KITLG: variants seen among roughly 807,000 people sequenced by gnomAD.
KITLG encodes the protein c-Kit ligand.
Under a neutral mutation model 34.1 loss-of-function variants are expected in KITLG, and 13 were observed. The ratio of observed to expected loss-of-function variants is 0.38; its 90% CI spans 0.25 to 0.61. KITLG has a LOEUF of 0.61. Ranked by LOEUF, KITLG falls within the 20% of genes least tolerant of loss-of-function variation. KITLG has a pLI of 0.60. For missense variants in KITLG, 292 were observed against 318.9 expected, an observed-to-expected ratio of 0.92 and a Z score of 0.64; for synonymous variants, 110 against 104.0, an observed-to-expected ratio of 1.06 and a Z score of -0.35.
intron 2 of KITLG, among the ~76,000 whole-genome samples, chr12:88,545,100 A>T (rs3782174): frequency 0.094 from 14,319 of 152,094 alleles, 699 homozygotes; most frequent in Non-Finnish European, 0.11. Flanking sequence ...TGTTATGCCC[A>T]CTCTGTGGCT....
At chr12:88,546,614 T>G (rs1224423904) in intron 1 of KITLG, among the ~76,000 whole-genome samples, 3 of 152,196 alleles carry the variant, frequency 2.0e-5, no homozygotes, top group Non-Finnish European at 4.4e-5. Flanking sequence ...TTTCAAGAAC[T>G]TGTGCAACTG....
In KITLG at chr12:88,540,936, C is replaced by T. The variant is rs116820574; in HGVS notation, c.129+4816G>A. ...AACTATCTTTCAAACTATTATTTTTCGAAGGTCAAACAAAATTATGTGAAA... is the reference window on the plus strand; with the variant it reads ...AACTATCTTTCAAACTATTATTTTTTGAAGGTCAAACAAAATTATGTGAAA... On this transcript the variant is annotated intron_variant, in intron 2 of 9. Transcript: ENST00000644744. Among the ~76,000 whole-genome samples the T allele has an allele frequency of 4.8e-3, 730 of 152,004 alleles. 5 individuals carry two copies. Among genetic ancestry groups the T allele is most frequent in the African/African-American group, 0.015 (634 of 41,466 alleles).
rs538448209 is a variant in KITLG at position 88,494,242 on chromosome 12, C to A, written c.*2977G>T. On this transcript the variant is annotated 3_prime_UTR_variant, in exon 10 of 10. Transcript: ENST00000644744. ...TTGAAGAATATATTTTTTAAATATA[C>A]ATAATGCCTAAAAGCTCCAAACTGA... The A allele has an allele frequency of 6.6e-4, 101 of 152,012 alleles. 1 individual carries two copies. Among genetic ancestry groups the A allele is most frequent in the African/African-American group, 2.4e-3 (100 of 41,512 alleles). The allele number at this position is 152,012 out of a possible 1,614,324, so 9.4% of individuals were successfully genotyped here.
chr12:88,542,789 C>G (rs951363010), intron 2 of KITLG, among the ~76,000 whole-genome samples: 2 of 152,058 alleles, frequency 1.3e-5, no homozygotes, highest in Non-Finnish European at 2.9e-5. Context: ...TAGTGATGCC[C>G]TTAGAGCTGT....
chr12:88,533,273 C>G (rs1348916763), intron 2 of KITLG, among the ~76,000 whole-genome samples: 1 of 152,124 alleles, frequency 6.6e-6, no homozygotes, highest in Non-Finnish European at 1.5e-5. Context: ...AGGTTTAGGA[C>G]AAAGGAATCT....
At chr12:88,532,738 C>G (rs1225321273) in intron 2 of KITLG, among the ~76,000 whole-genome samples, 4 of 152,058 alleles carry the variant, frequency 2.6e-5, no homozygotes, top group Non-Finnish European at 5.9e-5. Flanking sequence ...TTCAGTTATG[C>G]CTGGCTAGGT....
intron 3 of KITLG, among the ~76,000 whole-genome samples, chr12:88,528,162 G>A (rs1281473530): frequency 6.6e-6 from 1 of 152,152 alleles, no homozygotes; most frequent in Non-Finnish European, 1.5e-5. Flanking sequence ...GCCTTTTCCA[G>A]CTTTCAGAGG....
chr12:88,505,686 C>T (rs191635711), intron 8 of KITLG, among the ~76,000 whole-genome samples: 52 of 152,084 alleles, frequency 3.4e-4, no homozygotes, highest in Non-Finnish European at 6.5e-4. Context: ...GAGAAAACAA[C>T]GAGTATGTTG....
rs1178675494 is a variant in KITLG at position 88,570,653 on chromosome 12, C to T, written c.15+9611G>A. Among the ~76,000 whole-genome samples, 5 of 152,052 alleles carry T rather than the reference C, an allele frequency of 3.3e-5. No individual in the cohort carries two copies. The East Asian group carries it at 9.6e-4, about 29-fold the overall frequency. On this transcript the variant is annotated intron_variant, in intron 1 of 9. Coordinates refer to ENST00000644744, the MANE Select transcript of KITLG (RefSeq NM_000899.5). ...AATCTGGCCTTTAGATTTAAATAGG[C>T]TTGGCTTCAAATACAAACTCTTCCA... is the stretch of plus-strand genomic sequence containing the variant.
intron 1 of KITLG, among the ~76,000 whole-genome samples, chr12:88,563,111 G>C (rs539601310): frequency 1.3e-5 from 2 of 152,222 alleles, no homozygotes; most frequent in Non-Finnish European, 2.9e-5. Flanking sequence ...TCCCCAATGA[G>C]TTGCAATCCA....
chr12:88,516,177 C>T (rs1006635881), intron 5 of KITLG, among the ~76,000 whole-genome samples, 157 bp downstream of exon 5: 10 of 151,910 alleles, frequency 6.6e-5, no homozygotes, highest in African/African-American at 2.4e-4. Context: ...CACAAATCTA[C>T]AATCATTAGT....
rs1868558739 is a variant in KITLG, at chr12:88,494,809, G to A, written c.*2410C>T. On this transcript the variant is annotated 3_prime_UTR_variant, in exon 10 of 10. Coordinates refer to ENST00000644744, the MANE Select transcript of KITLG (RefSeq NM_000899.5). ...GCACCAACTGAAAAGGCGATTTCAT[G>A]GTTTACTATCTCAGCAGTGAGTTTT... is the stretch of plus-strand genomic sequence containing the variant. 6.6e-6 allele frequency: 1 copy of A among 152,054 alleles called. No individual in the cohort carries two copies. Among genetic ancestry groups the A allele is most frequent in the African/African-American group, 2.4e-5 (1 of 41,410 alleles). The allele number at this position is 152,054 out of a possible 1,614,324, so 9.4% of individuals were successfully genotyped here.
At chr12:88,519,139 A>G (rs538331052) in intron 3 of KITLG, among the ~76,000 whole-genome samples, 1 of 152,124 alleles carries the variant, frequency 6.6e-6, no homozygotes, top group East Asian at 1.9e-4. Context: ...TGGGATTACA[A>G]GCATGAACCA....
In KITLG at chr12:88,507,114, C is replaced by T; in HGVS notation, c.628G>A (p.Asp210Asn). The T allele has an allele frequency of 5.6e-6, 9 of 1,612,730 alleles. No homozygotes were observed. Among genetic ancestry groups the T allele is most frequent in the Non-Finnish European group, 7.6e-6 (9 of 1,178,820 alleles). ...SNRKAKNPPGDSSLHWAAMAL... is the reference protein window; with the variant it reads ...SNRKAKNPPGNSSLHWAAMAL... Reference sequence around the variant, plus strand: ...ATGGCTGCCCAGTGTAGGCTGGAGTCTCCAGGGGGATTTTTGGCCTTCCCT... The same window carrying T: ...ATGGCTGCCCAGTGTAGGCTGGAGTTTCCAGGGGGATTTTTGGCCTTCCCT... Residue 210 changes from aspartate to asparagine, a missense_variant, in exon 7 of 10, where the codon GAC becomes AAC. Transcript: ENST00000644744.
chr12:88,513,677 T>C (rs191340396), intron 6 of KITLG, among the ~76,000 whole-genome samples: 3 of 151,728 alleles, frequency 2.0e-5, no homozygotes, highest in African/African-American at 7.2e-5. Context: ...ATGAGGGATA[T>C]TTCAGTAAGA....
At position 88,505,171 on chromosome 12, in the gene KITLG, G is replaced by C. The variant is rs755137897; in HGVS notation, c.*25C>G. 6.4e-7 allele frequency: 1 copy of C among 1,568,408 alleles called. No individual in the cohort carries two copies. The highest frequency in any genetic ancestry group is 2.2e-5 in the East Asian group (1 of 44,530). ...GAAAAAAACTTACCAATGTACGAAA[G>C]TAACAGTGTTGATACAAGCCACAAT... On this transcript the variant is annotated 3_prime_UTR_variant, in exon 9 of 10. Coordinates refer to ENST00000644744, the MANE Select transcript of KITLG (RefSeq NM_000899.5).
chr12:88,565,812 T>C (rs565600639), intron 1 of KITLG, among the ~76,000 whole-genome samples: 14 of 152,150 alleles, frequency 9.2e-5, no homozygotes, highest in Non-Finnish European at 1.2e-4. Context: ...ATAATCACAC[T>C]ACCACCACCC....
At chr12:88,553,780 A>C (rs562548252) in intron 1 of KITLG, among the ~76,000 whole-genome samples, 14 of 152,208 alleles carry the variant, frequency 9.2e-5, no homozygotes, top group Non-Finnish European at 1.5e-4. Flanking sequence ...CATGCAGTAG[A>C]AACAGTTCTG....
At chr12:88,514,521 TA>T (rs1268832818) in intron 6 of KITLG, among the ~76,000 whole-genome samples, 1 of 151,702 alleles carries the variant, frequency 6.6e-6, no homozygotes, top group Non-Finnish European at 1.5e-5. Context: ...GTCCTGCACA[TA>T]ATGTATAACA....
Sources: gnomAD v4.1 joint callset for allele counts (sites outside exome capture counted in the v4.1 genomes callset) on GRCh38, gnomAD v4.1.1 for gene constraint, MANE v1.5 for transcripts, NCBI Gene and HGNC (gene_info 2026-07-23, HGNC 2026-07-21) for gene names.